Variants in TP63 observed in about 807,000 individuals in gnomAD.
TP63 encodes the protein tumor protein p63.
In TP63, 17 loss-of-function variants were observed where a neutral mutation model predicts 82.8. The observed-to-expected ratio is 0.21, with a 90% CI of 0.14 to 0.31. The LOEUF (loss-of-function observed/expected upper bound fraction) is 0.31. Ranked by LOEUF, TP63 falls within the 10% of genes least tolerant of loss-of-function variation. The pLI is 1.00. For synonymous variants in TP63, 330 were observed against 321.7 expected, an observed-to-expected ratio of 1.03 and a Z score of -0.28; for missense variants, 648 against 895.3, an observed-to-expected ratio of 0.72 and a Z score of 3.52.
intron 1 of TP63, among the ~76,000 whole-genome samples, chr3:189,728,671 G>C (rs180729801): frequency 6.6e-6 from 1 of 152,138 alleles, no homozygotes; most frequent in African/African-American, 2.4e-5. Context: ...GTGCATGGCT[G>C]GGGGAGGCCT....
intron 7 of TP63, 24 bp downstream of exon 7, chr3:189,867,966 C>A: frequency 6.3e-7 from 1 of 1,591,522 alleles, no homozygotes; most frequent in East Asian, 2.2e-5. Context: ...GTAAAATTGT[C>A]ATTCTACACA....
intron 3 of TP63, among the ~76,000 whole-genome samples, chr3:189,756,248 ACAAG>A (rs1560160918): frequency 6.6e-6 from 1 of 152,214 alleles, no homozygotes; most frequent in Non-Finnish European, 1.5e-5. Flanking sequence ...TATTAATTAA[ACAAG>A]TAAGAAAATA....
At chr3:189,875,611 T>TATACAC (rs1553859677) in intron 10 of TP63, among the ~76,000 whole-genome samples, 1 of 77,040 alleles carries the variant, frequency 1.3e-5, no homozygotes, top group African/African-American at 4.7e-5. Context: ...TATATATATA[T>TATACAC]ATATATATAT....
At chr3:189,851,852 A>G (rs1239013937) in intron 4 of TP63, among the ~76,000 whole-genome samples, 1 of 152,084 alleles carries the variant, frequency 6.6e-6, no homozygotes, top group East Asian at 1.9e-4. Context: ...TCTGGTTTGC[A>G]AATGGACTAT....
intron 3 of TP63, among the ~76,000 whole-genome samples, chr3:189,741,974 G>A (rs1277504422): frequency 1.3e-5 from 2 of 152,110 alleles, no homozygotes; most frequent in Admixed American, 1.3e-4. Flanking sequence ...CAGGTGCATT[G>A]GCTCAGGCCT....
chr3:189,767,415 A>G (rs1366586089), intron 3 of TP63, among the ~76,000 whole-genome samples: 2 of 152,196 alleles, frequency 1.3e-5, no homozygotes, highest in African/African-American at 4.8e-5. Context: ...ACATGTACCA[A>G]TCTTTCAATT....
intron 1 of TP63, among the ~76,000 whole-genome samples, chr3:189,667,774 A>G (rs1478829910): frequency 6.6e-6 from 1 of 152,148 alleles, no homozygotes; most frequent in Non-Finnish European, 1.5e-5. Flanking sequence ...TCATTCCTTA[A>G]GTATAGACCA....
intron 3 of TP63, among the ~76,000 whole-genome samples, chr3:189,754,685 A>T (rs1044629604): frequency 3.9e-5 from 6 of 152,124 alleles, no homozygotes; most frequent in Non-Finnish European, 8.8e-5. Context: ...GACTTCTAGG[A>T]TTCACAATGT....
In TP63 at chr3:189,866,722, G is replaced by T. The variant is rs762368675; in HGVS notation, c.807G>T (p.Gly269=). ...APPSHLIRVE[G]NSHAQYVEDP... ...CTAGTCATTTGATTCGAGTAGAGGG[G>T]AACAGCCATGCCCAGTATGTAGAAG... The change falls in exon 6 of 14, where the codon GGG becomes GGT. Residue 269 remains glycine (G), a synonymous_variant. Coordinates refer to ENST00000264731, the MANE Select transcript of TP63 (RefSeq NM_003722.5). 6.2e-7 allele frequency: 1 copy of T among 1,614,004 alleles called. No homozygotes were observed. The highest frequency in any genetic ancestry group is 2.2e-5 in the East Asian group (1 of 44,860).
chr3:189,853,278 A>G (rs931473354), intron 4 of TP63, among the ~76,000 whole-genome samples: 1 of 152,214 alleles, frequency 6.6e-6, no homozygotes, highest in Non-Finnish European at 1.5e-5. Flanking sequence ...CAGTTGCTCA[A>G]GCCCCTCTAG....
At chr3:189,848,239 T>TCCTCTCTCTCTCTCTCTC (rs372147574) in intron 4 of TP63, among the ~76,000 whole-genome samples, 1 of 95,984 alleles carries the variant, frequency 1.0e-5, no homozygotes, top group Non-Finnish European at 2.0e-5. Flanking sequence ...CTCCTCCTCC[T>TCCTCTCTCTCTCTCTCTC]TCTCTCTCTC....
At chr3:189,686,554 G>A (rs574305469) in intron 1 of TP63, among the ~76,000 whole-genome samples, 1 of 151,896 alleles carries the variant, frequency 6.6e-6, no homozygotes, top group African/African-American at 2.4e-5. Flanking sequence ...CTACTGGAAA[G>A]AGACAGGAAC....
chr3:189,773,004 T>G (rs1426837955), intron 3 of TP63, among the ~76,000 whole-genome samples: 1 of 152,208 alleles, frequency 6.6e-6, no homozygotes, highest in Non-Finnish European at 1.5e-5. Context: ...CCTTTTATTC[T>G]GTGGTCCTCC....
chr3:189,867,708 G>A lies in TP63; in HGVS notation c.883-125G>A, dbSNP rs910044569. 3.3e-4 allele frequency: 285 copies of A among 862,634 alleles called. 1 individual carries two copies. Among genetic ancestry groups the A allele is most frequent in the Non-Finnish European group, 5.1e-4 (269 of 526,832 alleles). 53.4% of individuals were successfully genotyped at this position (862,634 alleles called of 1,614,324 possible). ...AAATCTACAACAGGGTTCAGAGTTT[G>A]CCCTTTTAGGAGGAAGCGTATCACT... On this transcript the variant is annotated intron_variant, in intron 6 of 13. Coordinates refer to ENST00000264731, the MANE Select transcript of TP63 (RefSeq NM_003722.5).
intron 1 of TP63, among the ~76,000 whole-genome samples, chr3:189,712,722 T>C (rs1297027690): frequency 6.6e-6 from 1 of 151,914 alleles, no homozygotes; most frequent in Non-Finnish European, 1.5e-5. Flanking sequence ...ATCACAGCAA[T>C]AAGAAGACAA....
chr3:189,601,400 G>A, the TP63 span, among the ~76,000 whole-genome samples: 126 of 152,036 alleles, frequency 8.3e-4, no homozygotes, highest in Non-Finnish European at 1.2e-3. Context: ...CGGAAGACCA[G>A]GTGTCATTTT....
the TP63 span, among the ~76,000 whole-genome samples, chr3:189,609,231 A>G: frequency 6.6e-6 from 1 of 152,130 alleles, no homozygotes; most frequent in Non-Finnish European, 1.5e-5. Flanking sequence ...TTCATGTAAC[A>G]TAGACAAATT....
chr3:189,797,949 A>G (rs558393705), intron 3 of TP63, among the ~76,000 whole-genome samples: 15 of 152,044 alleles, frequency 9.9e-5, no homozygotes, highest in Non-Finnish European at 1.9e-4. Context: ...CCCATTCAGG[A>G]TAACACTTCC....
intron 3 of TP63, among the ~76,000 whole-genome samples, chr3:189,771,726 A>C (rs1723395886): frequency 2.0e-5 from 3 of 151,962 alleles, no homozygotes; most frequent in Admixed American, 2.0e-4. Flanking sequence ...GTTATCTGAG[A>C]GTGAGATCTT....
Sources: gnomAD v4.1 joint callset for allele counts (sites outside exome capture counted in the v4.1 genomes callset) on GRCh38, gnomAD v4.1.1 for gene constraint, MANE v1.5 for transcripts, NCBI Gene and HGNC (gene_info 2026-07-23, HGNC 2026-07-21) for gene names.